Variants in ADCY5 observed in about 807,000 individuals in gnomAD.
ADCY5 encodes the protein adenylate cyclase 5.
A neutral mutation model predicts 119.7 loss-of-function variants in ADCY5; 30 were observed. That is an observed-to-expected ratio of 0.25 (90% CI 0.19 to 0.34). The LOEUF (loss-of-function observed/expected upper bound fraction) is 0.34. Among genes scored for constraint, ADCY5 ranks in the 10% least tolerant of loss-of-function variants. The pLI is 1.00. For missense variants in ADCY5, 1,324 were observed against 1,775.2 expected, an observed-to-expected ratio of 0.75 and a Z score of 4.57; for synonymous variants, 753 against 762.2, an observed-to-expected ratio of 0.99 and a Z score of 0.20.
intron 12 of ADCY5, among the ~76,000 whole-genome samples, chr3:123,310,960 A>G (rs1940538826): frequency 6.6e-6 from 1 of 152,192 alleles, no homozygotes; most frequent in Non-Finnish European, 1.5e-5. Context: ...GAAAACCCGG[A>G]AAGAACCAGG....
At chr3:123,305,414 G>A (rs1436819031) in intron 12 of ADCY5, among the ~76,000 whole-genome samples, 1 of 152,194 alleles carries the variant, frequency 6.6e-6, no homozygotes, top group Non-Finnish European at 1.5e-5. Flanking sequence ...AGGGGAACTG[G>A]CTTGTGTGCT....
intron 4 of ADCY5, among the ~76,000 whole-genome samples, chr3:123,331,441 C>G (rs567295471): frequency 6.4e-4 from 97 of 152,364 alleles, no homozygotes; most frequent in African/African-American, 2.2e-3. Context: ...GAGATTCTAT[C>G]AAAAGTTGTC....
chr3:123,353,574 C>T (rs529194994), intron 1 of ADCY5, among the ~76,000 whole-genome samples: 1 of 152,248 alleles, frequency 6.6e-6, no homozygotes, highest in Admixed American at 6.5e-5. Context: ...TCCTTAGTCC[C>T]AGCTCCAGAA....
intron 1 of ADCY5, among the ~76,000 whole-genome samples, chr3:123,364,088 C>T (rs1488661712): frequency 1.3e-5 from 2 of 152,086 alleles, no homozygotes; most frequent in African/African-American, 4.8e-5. Flanking sequence ...CACATGTATA[C>T]ATTTCAAAAT....
At chr3:123,303,599 C>T (rs1277373986) in intron 13 of ADCY5, among the ~76,000 whole-genome samples, 2 of 152,082 alleles carry the variant, frequency 1.3e-5, no homozygotes, top group Non-Finnish European at 2.9e-5. Context: ...ATCACTTGAG[C>T]CCAGGAGTTT....
At chr3:123,444,440 G>C (rs1479458617) in intron 1 of ADCY5, among the ~76,000 whole-genome samples, 1 of 152,094 alleles carries the variant, frequency 6.6e-6, no homozygotes, top group African/African-American at 2.4e-5. Context: ...AGAGAGGAAA[G>C]GAGCAGGCAG....
chr3:123,353,231 T>A (rs1382104813), intron 1 of ADCY5, among the ~76,000 whole-genome samples: 1 of 151,988 alleles, frequency 6.6e-6, no homozygotes, highest in Non-Finnish European at 1.5e-5. Context: ...CCCCAACAAC[T>A]GAGATGTGTG....
chr3:123,317,724 G>A (rs2108333148), intron 11 of ADCY5, among the ~76,000 whole-genome samples: 1 of 147,832 alleles, frequency 6.8e-6, no homozygotes, highest in African/African-American at 2.5e-5. Flanking sequence ...AACAGAGCGA[G>A]ACGCTGTGTC....
chr3:123,307,315 G>A (rs918514810), intron 12 of ADCY5, among the ~76,000 whole-genome samples: 8 of 152,002 alleles, frequency 5.3e-5, no homozygotes, highest in African/African-American at 1.9e-4. Flanking sequence ...GTGATCCTGG[G>A]GCGTTACTCT....
chr3:123,342,954 A>G (rs888287725), intron 3 of ADCY5, among the ~76,000 whole-genome samples: 1 of 152,144 alleles, frequency 6.6e-6, no homozygotes, highest in African/African-American at 2.4e-5. Context: ...GGGACCTTCC[A>G]TGCCCTACCT....
intron 9 of ADCY5, 109 bp from the exon 10 acceptor site, chr3:123,319,927 C>A: frequency 7.0e-7 from 1 of 1,426,266 alleles, no homozygotes; most frequent in Non-Finnish European, 9.5e-7. Flanking sequence ...TGGCAGCTGT[C>A]CACCATCAGC....
At chr3:123,358,939 C>T (rs1482958670) in intron 1 of ADCY5, among the ~76,000 whole-genome samples, 1 of 152,190 alleles carries the variant, frequency 6.6e-6, no homozygotes, top group Non-Finnish European at 1.5e-5. Flanking sequence ...ATCGTTTCTG[C>T]CTCTCCTCTC....
intron 1 of ADCY5, among the ~76,000 whole-genome samples, chr3:123,405,982 C>T (rs745366302): frequency 2.0e-5 from 3 of 152,196 alleles, no homozygotes; most frequent in Non-Finnish European, 4.4e-5. Flanking sequence ...GTCTCGCTGA[C>T]CCTGGAGGGA....
chr3:123,310,276 G>A (rs887122391), intron 12 of ADCY5, among the ~76,000 whole-genome samples: 1 of 152,034 alleles, frequency 6.6e-6, no homozygotes, highest in Admixed American at 6.6e-5. Context: ...TGGGGAAAGG[G>A]GAGTCACCAT....
intron 1 of ADCY5, among the ~76,000 whole-genome samples, chr3:123,371,977 G>A (rs1358808345): frequency 6.6e-6 from 1 of 152,202 alleles, no homozygotes; most frequent in Admixed American, 6.5e-5. Context: ...AGGAGGGCTT[G>A]GGGGCTTGGG....
intron 3 of ADCY5, among the ~76,000 whole-genome samples, chr3:123,343,353 T>C (rs1942375827): frequency 6.6e-6 from 1 of 152,148 alleles, no homozygotes; most frequent in Non-Finnish European, 1.5e-5. Flanking sequence ...GGCCATCCCA[T>C]GTTACAGTTG....
At chr3:123,425,155 C>A (rs116745543) in intron 1 of ADCY5, among the ~76,000 whole-genome samples, 32 of 152,170 alleles carry the variant, frequency 2.1e-4, no homozygotes, top group Non-Finnish European at 4.1e-4. Flanking sequence ...GCTGGCAGAC[C>A]GCTTGCCAGC....
At chr3:123,303,834 A>AAGAGAAGAGAAG (rs1940006702) in intron 13 of ADCY5, among the ~76,000 whole-genome samples, 1 of 135,070 alleles carries the variant, frequency 7.4e-6, no homozygotes, top group South Asian at 2.4e-4. Flanking sequence ...CAAAACTGGA[A>AAGAGAAGAGAAG]AGAAAAGAGA....
At chr3:123,440,008 A>G (rs541040176) in intron 1 of ADCY5, among the ~76,000 whole-genome samples, 1 of 152,352 alleles carries the variant, frequency 6.6e-6, no homozygotes, top group Admixed American at 6.5e-5. Flanking sequence ...ATTACAACCC[A>G]CCAAAATAGG....
Sources: gnomAD v4.1 joint callset for allele counts (sites outside exome capture counted in the v4.1 genomes callset) on GRCh38, gnomAD v4.1.1 for gene constraint, MANE v1.5 for transcripts, NCBI Gene and HGNC (gene_info 2026-07-23, HGNC 2026-07-21) for gene names.